PLEKHA6: variants seen among roughly 807,000 people sequenced by gnomAD.
PLEKHA6 encodes the protein pleckstrin homology domain containing A6.
Under a neutral mutation model 116.7 loss-of-function variants are expected in PLEKHA6, and 60 were observed. The ratio of observed to expected loss-of-function variants is 0.51; its 90% CI spans 0.42 to 0.64. The LOEUF (loss-of-function observed/expected upper bound fraction) is 0.64, where lower values mean the gene tolerates loss of function less well. Among genes scored for constraint, PLEKHA6 ranks in the 30% least tolerant of loss-of-function variants. The pLI is 0.00. For synonymous variants in PLEKHA6, 489 were observed against 556.1 expected (o/e 0.88, Z 1.70); for missense variants, 1,338 against 1,422.7 (o/e 0.94, Z 0.96).
chr1:204,266,832 C>T (rs907526881), intron 5 of PLEKHA6, among the ~76,000 whole-genome samples: 6 of 152,204 alleles, frequency 3.9e-5, no homozygotes, highest in East Asian at 1.9e-4. Flanking sequence ...CCTGCATCCA[C>T]ATGGCGCCAC....
intron 5 of PLEKHA6, 139 bp from the exon 6 acceptor site, chr1:204,265,181 A>T (rs1666646880): frequency 3.0e-6 from 2 of 666,654 alleles, no homozygotes. Flanking sequence ...TTTGTCAGGC[A>T]CTCAGGGCCA....
At chr1:204,251,415 T>A (rs943774448) in intron 9 of PLEKHA6, 2 of 616,876 alleles carry the variant, frequency 3.2e-6, no homozygotes, top group Non-Finnish European at 5.9e-6. Context: ...CAAGCCTGTC[T>A]CCAGGCAGAT....
rs1450078996 is a variant in PLEKHA6, at chr1:204,221,930, G to C, written c.*858C>G. The C allele has an allele frequency of 6.6e-6, 1 of 152,374 alleles. No individual in the cohort carries two copies. Among genetic ancestry groups the C allele is most frequent in the African/African-American group, 2.4e-5 (1 of 41,318 alleles). The allele number at this position is 152,374 out of a possible 1,614,324, so 9.4% of individuals were successfully genotyped here. A position where few individuals can be genotyped will look rare whatever the true frequency, so the allele number is the denominator to read the frequency against. On this transcript the variant is annotated 3_prime_UTR_variant, in exon 23 of 23. Transcript: ENST00000272203. ...GCACTAACCTAAGGCTCCACCGGGG[G>C]AAACCAATCTGATATCCCCTTTCCA...
chr1:204,317,205 T>C, intron 1 of PLEKHA6: 2 of 967,828 alleles, frequency 2.1e-6, no homozygotes, highest in African/African-American at 1.8e-5. Flanking sequence ...AGGGTACTGC[T>C]GATAGAATAC....
chr1:204,267,889 C>T (rs748269772), intron 4 of PLEKHA6, among the ~76,000 whole-genome samples: 5 of 152,116 alleles, frequency 3.3e-5, no homozygotes, highest in African/African-American at 4.8e-5. Flanking sequence ...GACACCCCTA[C>T]CCCCCACCAT....
chr1:204,341,566 T>C (rs544591271), intron 1 of PLEKHA6, among the ~76,000 whole-genome samples: 2 of 152,148 alleles, frequency 1.3e-5, no homozygotes, highest in Non-Finnish European at 2.9e-5. Context: ...TGAATGAGCT[T>C]CTAAGGGTGC....
At chr1:204,300,727 A>G (rs1178589526) in intron 1 of PLEKHA6, among the ~76,000 whole-genome samples, 2 of 152,254 alleles carry the variant, frequency 1.3e-5, no homozygotes, top group African/African-American at 2.4e-5. Flanking sequence ...GCAGGCAGAC[A>G]GACCTGGATT....
chr1:204,373,862 T>C (rs573139197), intron 1 of PLEKHA6, among the ~76,000 whole-genome samples: 2 of 152,250 alleles, frequency 1.3e-5, no homozygotes, highest in South Asian at 2.1e-4. Context: ...TCAGGCACCA[T>C]TGAAGAAGAC....
At chr1:204,286,848 C>A (rs1275828449) in intron 1 of PLEKHA6, among the ~76,000 whole-genome samples, 1 of 152,162 alleles carries the variant, frequency 6.6e-6, no homozygotes, top group East Asian at 1.9e-4. Context: ...ACTCTACTTC[C>A]CCTTCTTTCT....
At chr1:204,246,120 T>C (rs1663632490) in intron 13 of PLEKHA6, among the ~76,000 whole-genome samples, 2 of 152,154 alleles carry the variant, frequency 1.3e-5, no homozygotes, top group Non-Finnish European at 2.9e-5. Context: ...AAACAGCCCT[T>C]TTCTAATACC....
At chr1:204,323,041 A>G (rs975425962) in intron 1 of PLEKHA6, among the ~76,000 whole-genome samples, 1 of 152,224 alleles carries the variant, frequency 6.6e-6, no homozygotes, top group Non-Finnish European at 1.5e-5. Flanking sequence ...CATTGGTTAG[A>G]GCCATTTATG....
intron 2 of PLEKHA6, chr1:204,368,952 G>T: frequency 6.6e-6 from 1 of 152,350 alleles, no homozygotes; most frequent in Non-Finnish European, 1.5e-5. Flanking sequence ...GCTGCTTTGA[G>T]GCACCAGCTG....
At chr1:204,328,310 G>A (rs982121529) in intron 1 of PLEKHA6, among the ~76,000 whole-genome samples, 14 of 151,612 alleles carry the variant, frequency 9.2e-5, no homozygotes, top group African/African-American at 2.2e-4. Flanking sequence ...TCAAACTCCC[G>A]ACCTCAGGTG....
rs780071411 is a variant in PLEKHA6, at chr1:204,261,543, G to T, written c.382-95C>A. The T allele has an allele frequency of 7.3e-6, 10 of 1,378,444 alleles. No individual in the cohort carries two copies. The highest frequency in any genetic ancestry group is 6.9e-5 in the Admixed American group (3 of 43,592). 85.4% of individuals were successfully genotyped at this position (1,378,444 alleles called of 1,614,324 possible). On this transcript the variant is annotated intron_variant, in intron 6 of 22. Transcript: ENST00000272203. The surrounding 1 kb of genome is among the most constrained non-coding windows in gnomAD (Gnocchi z 4.0). Reference sequence around the variant, plus strand: ...GAAGACACCAACGCCCACAGAATGGGCAGTCAGTTGGGCCATTCCCTGCAC... The same window carrying T: ...GAAGACACCAACGCCCACAGAATGGTCAGTCAGTTGGGCCATTCCCTGCAC...
chr1:204,252,026 A>C (rs2102677474), intron 9 of PLEKHA6, among the ~76,000 whole-genome samples: 1 of 152,030 alleles, frequency 6.6e-6, no homozygotes, highest in South Asian at 2.1e-4. Context: ...AACAACCAAA[A>C]AAGAAAATCT....
At chr1:204,350,177 T>C (rs925299469) in intron 1 of PLEKHA6, among the ~76,000 whole-genome samples, 2 of 152,004 alleles carry the variant, frequency 1.3e-5, no homozygotes, top group African/African-American at 2.4e-5. Context: ...AAAAATTAGC[T>C]GGGCACAGTG....
At chr1:204,305,512 C>G (rs1671214898) in intron 1 of PLEKHA6, among the ~76,000 whole-genome samples, 1 of 152,178 alleles carries the variant, frequency 6.6e-6, no homozygotes, top group South Asian at 2.1e-4. Flanking sequence ...TTTTCCATCT[C>G]TCTATACTCA....
intron 1 of PLEKHA6, among the ~76,000 whole-genome samples, chr1:204,302,824 C>A (rs1019998981): frequency 1.3e-5 from 2 of 151,660 alleles, no homozygotes; most frequent in Non-Finnish European, 2.9e-5. Flanking sequence ...TGTGGTGAGC[C>A]GATATCAAGC....
chr1:204,220,758 T>A lies in PLEKHA6; in HGVS notation c.*2030A>T, dbSNP rs906725468. 7.2e-5 allele frequency: 11 copies of A among 152,358 alleles called. No individual in the cohort carries two copies. The highest frequency in any genetic ancestry group is 7.2e-4 in the Admixed American group (11 of 15,260). 9.4% of individuals were successfully genotyped at this position (152,358 alleles called of 1,614,324 possible). A position where few individuals can be genotyped will look rare whatever the true frequency, so the allele number is the denominator to read the frequency against. ...ATATATAGATCTATAATATGTATAA[T>A]CTCCATAAAACATATATTAAGGCAT... On this transcript the variant is annotated 3_prime_UTR_variant, in exon 23 of 23. Coordinates refer to ENST00000272203, the MANE Select transcript of PLEKHA6 (RefSeq NM_014935.5).
Sources: allele counts gnomAD v4.1 joint callset (sites outside exome capture counted in the v4.1 genomes callset), GRCh38; gene constraint gnomAD v4.1.1; non-coding constraint Gnocchi (gnomAD v3.1); transcripts MANE v1.5; gene names NCBI Gene and HGNC (gene_info 2026-07-23, HGNC 2026-07-21).